OLFM3: variants seen among roughly 807,000 people sequenced by gnomAD.
The protein encoded by OLFM3 is olfactomedin 3, also known as noelin-3.
Under a neutral mutation model 48.6 loss-of-function variants are expected in OLFM3, and 20 were observed. That is an observed-to-expected ratio of 0.41 (90% confidence interval 0.29 to 0.60). The LOEUF is 0.60. Among genes scored for constraint, OLFM3 ranks in the 20% least tolerant of loss-of-function variants. The probability of loss-of-function intolerance (pLI) is 0.28; values close to 1 mark genes in which losing one functional copy is unlikely to be tolerated. For missense variants in OLFM3, 437 were observed against 544.3 expected (o/e 0.80, Z 1.96); for synonymous variants, 222 against 198.1 (o/e 1.12, Z -1.01).
In OLFM3 at chr1:101,936,916, G is replaced by A. The variant is rs765468609; in HGVS notation, c.69+59832C>T. Among the ~76,000 whole-genome samples, 35 of 152,116 alleles carry A rather than the reference G, an allele frequency of 2.3e-4. 1 individual carries two copies. The highest frequency in any genetic ancestry group is 6.2e-4 in the South Asian group (3 of 4,820). On this transcript the variant is annotated intron_variant, in intron 1 of 5. Transcript: ENST00000370103. ...TGGTATAAGTGTTTAGCCACATGCC[G>A]AAGAGTGAAACTGGACCCCTTCCGT... is the stretch of plus-strand genomic sequence containing the variant.
intron 1 of OLFM3, among the ~76,000 whole-genome samples, chr1:101,939,066 G>T (rs184269766): frequency 2.0e-5 from 3 of 151,662 alleles, no homozygotes; most frequent in African/African-American, 7.3e-5. Flanking sequence ...TAAAATCCCT[G>T]CAATGCTTAA....
chr1:101,939,465 T>C (rs1029643385), intron 1 of OLFM3, among the ~76,000 whole-genome samples: 1 of 152,132 alleles, frequency 6.6e-6, no homozygotes, highest in Non-Finnish European at 1.5e-5. Context: ...CTAACAATAG[T>C]AGATATAAAA....
At chr1:101,916,229 C>T (rs746976694) in intron 1 of OLFM3, among the ~76,000 whole-genome samples, 9 of 152,082 alleles carry the variant, frequency 5.9e-5, no homozygotes, top group Admixed American at 6.5e-5. Flanking sequence ...TTCAAACTTT[C>T]AAAGACAGAT....
At chr1:101,828,951 T>C (rs6661054) in intron 3 of OLFM3, among the ~76,000 whole-genome samples, 99,085 of 152,036 alleles carry the variant, frequency 0.65, 32,597 homozygotes, top group African/African-American at 0.69. Flanking sequence ...AATTTAATAG[T>C]GGAGGGGTAG....
intron 1 of OLFM3, among the ~76,000 whole-genome samples, chr1:101,957,441 G>A (rs1335304704): frequency 1.3e-5 from 2 of 151,812 alleles, no homozygotes; most frequent in Non-Finnish European, 2.9e-5. Flanking sequence ...GGCAAAAATG[G>A]GAAAAAGCTG....
chr1:101,879,853 C>A (rs189023098), intron 1 of OLFM3, among the ~76,000 whole-genome samples: 32 of 151,688 alleles, frequency 2.1e-4, no homozygotes, highest in African/African-American at 7.5e-4. Flanking sequence ...CAAATAACAC[C>A]CTAAAATAAA....
intron 1 of OLFM3, among the ~76,000 whole-genome samples, chr1:101,894,900 A>C (rs187919359): frequency 6.6e-6 from 1 of 152,120 alleles, no homozygotes; most frequent in Non-Finnish European, 1.5e-5. Flanking sequence ...TGGAGCTTAA[A>C]CATGTTATTT....
chr1:101,812,328 G>A, intron 4 of OLFM3: 1 of 702,860 alleles, frequency 1.4e-6, no homozygotes, highest in Non-Finnish European at 1.7e-6. Context: ...AGAACTTAAA[G>A]TGTAATTTTA....
At chr1:101,936,967 G>C (rs1211447130) in intron 1 of OLFM3, among the ~76,000 whole-genome samples, 1 of 152,084 alleles carries the variant, frequency 6.6e-6, no homozygotes, top group Non-Finnish European at 1.5e-5. Context: ...ATCAACTCAA[G>C]ATGTATTAAA....
intron 1 of OLFM3, among the ~76,000 whole-genome samples, chr1:101,918,386 T>C (rs758700537): frequency 9.2e-5 from 14 of 152,172 alleles, no homozygotes; most frequent in Non-Finnish European, 1.8e-4. Flanking sequence ...AATCAAGCTA[T>C]TGATGCATGA....
At chr1:101,807,001 G>C (rs539931161) in intron 4 of OLFM3, among the ~76,000 whole-genome samples, 2 of 151,624 alleles carry the variant, frequency 1.3e-5, no homozygotes, top group Non-Finnish European at 3.0e-5. Context: ...ATTTTTGTGA[G>C]ATTTTAAAAA....
At chr1:101,871,613 A>G (rs887344526) in intron 1 of OLFM3, among the ~76,000 whole-genome samples, 5 of 152,096 alleles carry the variant, frequency 3.3e-5, no homozygotes, top group African/African-American at 1.2e-4. Context: ...TAATTTAACA[A>G]TAAACATCTC....
chr1:101,828,325 A>T (rs1654987876), intron 3 of OLFM3, among the ~76,000 whole-genome samples: 1 of 152,204 alleles, frequency 6.6e-6, no homozygotes, highest in Non-Finnish European at 1.5e-5. Flanking sequence ...CGAGCATTAT[A>T]CAGTTAATAT....
chr1:101,950,091 C>G (rs1204808128), intron 1 of OLFM3, among the ~76,000 whole-genome samples: 6 of 150,800 alleles, frequency 4.0e-5, no homozygotes, highest in Admixed American at 4.0e-4. Flanking sequence ...AGGATTCAAT[C>G]TAAAATTTAC....
chr1:101,901,358 T>C (rs1417868544), intron 1 of OLFM3, among the ~76,000 whole-genome samples: 1 of 151,902 alleles, frequency 6.6e-6, no homozygotes, highest in Non-Finnish European at 1.5e-5. Context: ...TAAGAGAAAA[T>C]AGTGGAGACA....
intron 1 of OLFM3, among the ~76,000 whole-genome samples, chr1:101,843,343 G>C (rs969587848): frequency 6.6e-6 from 1 of 152,146 alleles, no homozygotes; most frequent in African/African-American, 2.4e-5. Flanking sequence ...CTTTCCCAGG[G>C]TCTTCCTGGT....
At position 101,917,183 on chromosome 1, in the gene OLFM3, A is replaced by T. The variant is rs574262431; in HGVS notation, c.69+79565T>A. Among the ~76,000 whole-genome samples the T allele has an allele frequency of 3.3e-5, 5 of 152,320 alleles. No homozygotes were observed. The East Asian group carries it at 7.7e-4, about 23-fold the overall frequency. Reference sequence around the variant, plus strand: ...TAGAGTTAAGTCAAGAGTTAAGATCACAGTGATTATTAATACTGTTCCTAA... The same window carrying T: ...TAGAGTTAAGTCAAGAGTTAAGATCTCAGTGATTATTAATACTGTTCCTAA... On this transcript the variant is annotated intron_variant, in intron 1 of 5. Transcript: ENST00000370103.
intron 1 of OLFM3, among the ~76,000 whole-genome samples, chr1:101,958,256 C>T (rs1349562099): frequency 6.6e-6 from 1 of 152,008 alleles, no homozygotes; most frequent in African/African-American, 2.4e-5. Flanking sequence ...TATTAAATTT[C>T]ACATTTAAAA....
intron 1 of OLFM3, among the ~76,000 whole-genome samples, chr1:101,942,562 C>T (rs1175810573): frequency 6.6e-6 from 1 of 152,130 alleles, no homozygotes; most frequent in African/African-American, 2.4e-5. Flanking sequence ...AGCAGTAATT[C>T]ACATCATTGT....
Sources: gnomAD v4.1 joint callset for allele counts (sites outside exome capture counted in the v4.1 genomes callset) on GRCh38, gnomAD v4.1.1 for gene constraint, MANE v1.5 for transcripts, NCBI Gene and HGNC (gene_info 2026-07-23, HGNC 2026-07-21) for gene names.